ABCC9: variants seen among roughly 807,000 people sequenced by gnomAD.
ABCC9 encodes the protein ATP binding cassette subfamily C member 9, also known as ATP-binding cassette sub-family C member 9.
Under a neutral mutation model 188.3 loss-of-function variants are expected in ABCC9, and 95 were observed. The observed-to-expected ratio is 0.50, with a 90% CI of 0.43 to 0.60. ABCC9 has a LOEUF of 0.60. Ranked by LOEUF, ABCC9 falls within the 20% of genes least tolerant of loss-of-function variation. ABCC9 has a pLI of 0.00. For missense variants in ABCC9, 1,102 were observed against 1,876.3 expected (o/e 0.59, Z 7.62); for synonymous variants, 659 against 652.7 (o/e 1.01, Z -0.15).
chr12:21,912,612 A>G (rs1038855835), intron 8 of ABCC9, among the ~76,000 whole-genome samples: 13 of 152,166 alleles, frequency 8.5e-5, no homozygotes, highest in African/African-American at 2.2e-4. Flanking sequence ...AGTTTCTGGC[A>G]TACCGTAAAT....
intron 7 of ABCC9, among the ~76,000 whole-genome samples, chr12:21,915,223 A>G (rs1948485824): frequency 8.5e-6 from 1 of 117,154 alleles, no homozygotes; most frequent in African/African-American, 3.5e-5. Context: ...CTTTATATAT[A>G]TATGTGTGTG....
In ABCC9 at chr12:21,882,819, C is replaced by T; in HGVS notation, c.1966G>A (p.Glu656Lys). ...QPGRYHLDSY[E>K]QSTRRLRPAE... ...GGACGTAGACGCCGTGTTGATTGCT[C>T]ATAGCTGTCCAGGTGATATCTTCCA... Residue 656 changes from glutamate to lysine, a missense_variant, in exon 16 of 40, where the codon GAG becomes AAG. This residue lies in a region of ABCC9 where 258 missense variants were observed against 325.6 expected (regional missense o/e 0.79). Coordinates refer to ENST00000261200, the MANE Select transcript of ABCC9 (RefSeq NM_020297.4). 2 of 1,614,084 alleles carry T rather than the reference C, an allele frequency of 1.2e-6. No homozygotes were observed. Among genetic ancestry groups the T allele is most frequent in the Non-Finnish European group, 1.7e-6 (2 of 1,179,978 alleles).
At chr12:21,906,476 A>G (rs1377366534) in intron 11 of ABCC9, among the ~76,000 whole-genome samples, 188 bp from the exon 12 acceptor site, 2 of 152,102 alleles carry the variant, frequency 1.3e-5, no homozygotes, top group Non-Finnish European at 2.9e-5. Context: ...GAGTTTAATG[A>G]GATGGCCTCA....
rs376493394 is a variant in ABCC9 at position 21,937,349 on chromosome 12, C to T, written c.-20-655G>A. Among the ~76,000 whole-genome samples the T allele has an allele frequency of 2.7e-4, 41 of 152,260 alleles. 1 individual carries two copies. The highest frequency in any genetic ancestry group is 3.4e-3 in the Middle Eastern group (1 of 294). ...ATATTCTCACAAGAAATACACTCTA[C>T]GCAAGTTTGAAACGCAGGATGTCTT... On this transcript the variant is annotated intron_variant, in intron 2 of 39. Coordinates refer to ENST00000261200, the MANE Select transcript of ABCC9 (RefSeq NM_020297.4).
Position 21,915,813 on chromosome 12 carries a change from G to T in ABCC9, c.671C>A (p.Ser224Ter), listed in dbSNP as rs1363478982. The T allele has an allele frequency of 6.2e-7, 1 of 1,613,344 alleles. No homozygotes were observed. Among genetic ancestry groups the T allele is most frequent in the Admixed American group, 1.7e-5 (1 of 59,902 alleles). Residue 224 changes from serine (S) to a stop codon, truncating the protein, a stop_gained, in exon 7 of 40, where the codon TCA (serine) becomes TAA (stop). Transcript: ENST00000261200. LOFTEE classifies it high-confidence loss of function. ...GTTCATCCACCAGTATGTTGCTTTT[G>T]ACAGCAAATTCACAAATGGTTGAAG... is the stretch of plus-strand genomic sequence containing the variant. The part of the protein sequence containing the change: ...RFLQPFVNLL[S>*]KATYWWMNTL...
rs552272039 is a variant in ABCC9, at chr12:21,851,256, G to A, written c.2769+841C>T. 3.9e-5 allele frequency among the ~76,000 whole-genome samples: 6 copies of A among 152,156 alleles called. No homozygotes were observed. The South Asian group carries it at 1.2e-3, about 32-fold the overall frequency. ...GCAAATTTAATTTACAATTTCACTT[G>A]TCTATCAGAGTTTTTCCTCTTTTGT... On this transcript the variant is annotated intron_variant, in intron 24 of 39. Transcript: ENST00000261200.
At chr12:21,847,856 A>G (rs116774350) in intron 25 of ABCC9, among the ~76,000 whole-genome samples, 1 of 152,048 alleles carries the variant, frequency 6.6e-6, no homozygotes, top group African/African-American at 2.4e-5. Context: ...GACAATTTCA[A>G]TTTTTCTGAA....
At chr12:21,827,202 C>T (rs1445126755) in intron 31 of ABCC9, 1 of 985,266 alleles carries the variant, frequency 1.0e-6, no homozygotes, top group Non-Finnish European at 1.2e-6. Context: ...CCTTCCCTTT[C>T]TTGGCAGTCT....
At chr12:21,900,934 A>C (rs1947713537) in intron 12 of ABCC9, among the ~76,000 whole-genome samples, 1 of 152,192 alleles carries the variant, frequency 6.6e-6, no homozygotes, top group South Asian at 2.1e-4. Flanking sequence ...CCAACATTCA[A>C]ATTCAGGAAA....
chr12:21,818,661 T>TTTC (rs1942837673), intron 31 of ABCC9, among the ~76,000 whole-genome samples: 1 of 149,580 alleles, frequency 6.7e-6, no homozygotes, highest in African/African-American at 2.5e-5. Context: ...TTTTTTTTTT[T>TTTC]TTCCGACTTT....
intron 36 of ABCC9, among the ~76,000 whole-genome samples, chr12:21,811,268 C>A (rs1357458408): frequency 1.3e-5 from 2 of 152,132 alleles, no homozygotes; most frequent in Non-Finnish European, 2.9e-5. Context: ...GAGGCCTCCC[C>A]AGCCATGAAG....
intron 39 of ABCC9, among the ~76,000 whole-genome samples, chr12:21,803,980 T>A (rs540143038): frequency 6.6e-4 from 101 of 152,084 alleles, no homozygotes; most frequent in Middle Eastern, 3.4e-3. Context: ...ATTTTAAGAG[T>A]TTAAGTTAAT....
chr12:21,913,089 A>G, intron 7 of ABCC9, 23 bp from the exon 8 acceptor site: 2 of 1,588,002 alleles, frequency 1.3e-6, no homozygotes, highest in Non-Finnish European at 1.7e-6. Flanking sequence ...AAAAGAAAAA[A>G]AAAACAGATG....
At chr12:21,812,925 A>T (rs1484119781) in intron 35 of ABCC9, among the ~76,000 whole-genome samples, 1 of 152,096 alleles carries the variant, frequency 6.6e-6, no homozygotes, top group Non-Finnish European at 1.5e-5. Flanking sequence ...CTCCTAAGGG[A>T]ATTCAGAGTT....
Position 21,845,851 on chromosome 12 carries a change from T to C in ABCC9, c.2867-19A>G. On this transcript the variant is annotated intron_variant, in intron 25 of 39. Transcript: ENST00000261200. ...TCTTCCTCTACATACAAAAAACTTT[T>C]GTTTAAGCTTCAGATGGGCACCGGC... 15 of 1,599,048 alleles carry C rather than the reference T, an allele frequency of 9.4e-6. No homozygotes were observed. The highest frequency in any genetic ancestry group is 4.5e-5 in the East Asian group (2 of 44,814).
intron 16 of ABCC9, among the ~76,000 whole-genome samples, chr12:21,879,776 A>G (rs1946533993): frequency 6.6e-6 from 1 of 152,082 alleles, no homozygotes; most frequent in East Asian, 1.9e-4. Context: ...AATATAAGGA[A>G]AAAATACAAA....
chr12:21,832,776 C>G (rs1943846492), intron 30 of ABCC9, among the ~76,000 whole-genome samples: 1 of 152,142 alleles, frequency 6.6e-6, no homozygotes, highest in Admixed American at 6.5e-5. Context: ...TAGTAGGTAT[C>G]TACCCAGAGG....
At chr12:21,869,637 T>G (rs1470315934) in intron 18 of ABCC9, 1 of 152,210 alleles carries the variant, frequency 6.6e-6, no homozygotes, top group Non-Finnish European at 1.5e-5. Flanking sequence ...CTAGACCCTT[T>G]TAGGATCCTC....
intron 12 of ABCC9, among the ~76,000 whole-genome samples, chr12:21,902,840 A>G (rs1947834435): frequency 6.6e-6 from 1 of 152,218 alleles, no homozygotes; most frequent in Non-Finnish European, 1.5e-5. Flanking sequence ...AGATGGATTC[A>G]CAGCTGAATT....
Sources: allele counts gnomAD v4.1 joint callset (sites outside exome capture counted in the v4.1 genomes callset), GRCh38; gene constraint gnomAD v4.1.1; regional missense constraint gnomAD v4.1.1; transcripts MANE v1.5; gene names NCBI Gene and HGNC (gene_info 2026-07-23, HGNC 2026-07-21).